The following HHLA1 variants were observed in gnomAD, a reference collection of about 807,000 sequenced individuals.
HHLA1 encodes HHLA1 neighbor of OC90.
A neutral mutation model predicts 69.9 loss-of-function variants in HHLA1; 72 were observed. The observed-to-expected ratio is 1.03, with a 90% CI of 0.85 to 1.25. The LOEUF (loss-of-function observed/expected upper bound fraction) is 1.25. HHLA1 is among the 50% of genes most tolerant of loss of function. The probability of loss-of-function intolerance (pLI) is 0.00; values close to 1 mark genes in which losing one functional copy is unlikely to be tolerated. For synonymous variants in HHLA1, 252 were observed against 233.2 expected (o/e 1.08, Z -0.73); for missense variants, 685 against 642.2 (o/e 1.07, Z -0.72).
intron 3 of HHLA1, chr8:132,101,301 T>C (rs770734080): frequency 1.9e-6 from 3 of 1,549,046 alleles, no homozygotes; most frequent in African/African-American, 2.7e-5. Flanking sequence ...ATGAATAAAA[T>C]AGTAACCTGA....
intron 10 of HHLA1, among the ~76,000 whole-genome samples, chr8:132,084,851 G>A (rs1823832619): frequency 6.6e-6 from 1 of 151,820 alleles, no homozygotes; most frequent in African/African-American, 2.4e-5. Context: ...GAGATAAGAG[G>A]TTGGGGTGTG....
At chr8:132,069,939 GA>G (rs1187017011) in intron 15 of HHLA1, 7 of 150,584 alleles carry the variant, frequency 4.6e-5, no homozygotes, top group Non-Finnish European at 8.5e-5. Flanking sequence ...GTTTTCTTTA[GA>G]ATAAACCTGT....
chr8:132,095,675 CCAT>C, intron 6 of HHLA1, 25 bp downstream of exon 6: 1 of 1,541,168 alleles, frequency 6.5e-7, no homozygotes. Context: ...ACCACCACCA[CCAT>C]CAAGAAGAGC....
At position 132,070,391 on chromosome 8, in the gene HHLA1, G is replaced by T. The variant is rs745624398; in HGVS notation, c.1469+949C>A. Reference sequence around the variant, plus strand: ...GGATTTATGAAAGAACTGGAATTTAGATAGACATATCTTCTAATTATTCTC... The same window carrying T: ...GGATTTATGAAAGAACTGGAATTTATATAGACATATCTTCTAATTATTCTC... On this transcript the variant is annotated intron_variant, in intron 15 of 16. Transcript: ENST00000414222. 7 of 701,944 alleles carry T rather than the reference G, an allele frequency of 1.0e-5. 1 individual carries two copies. The South Asian group carries it at 1.0e-4, about 10-fold the overall frequency. 43.5% of individuals were successfully genotyped at this position (701,944 alleles called of 1,614,324 possible). A position where few individuals can be genotyped will look rare whatever the true frequency, so the allele number is the denominator to read the frequency against.
chr8:132,089,741 A>T lies in HHLA1; in HGVS notation c.449-142T>A, dbSNP rs73353171. On this transcript the variant is annotated intron_variant, in intron 7 of 16. Transcript: ENST00000414222. The stretch of plus-strand genomic sequence containing the variant: ...AGGAATATCAACAATGATACAGAGA[A>T]ATACTACTAATTCTAAAAAATGAAA... 1.8e-3 allele frequency: 1,108 copies of T among 618,030 alleles called. 6 individuals are homozygous for T. In the African/African-American group the frequency reaches 0.019, roughly 10 times the overall value. The allele number at this position is 618,030 out of a possible 1,614,324, so 38.3% of individuals were successfully genotyped here. A position where few individuals can be genotyped will look rare whatever the true frequency, so the allele number is the denominator to read the frequency against.
rs1823670344 is a variant in HHLA1 at position 132,077,782 on chromosome 8, G to C, written c.1115C>G (p.Pro372Arg). 1 of 1,551,694 alleles carries C rather than the reference G, an allele frequency of 6.4e-7. No homozygotes were observed. Among genetic ancestry groups the C allele is most frequent in the Non-Finnish European group, 8.7e-7 (1 of 1,146,984 alleles). ...EAMNTTSLLA[P>R]AAEIMATPGS... The stretch of plus-strand genomic sequence containing the variant: ...AGGTGTGGCCATTATCTCAGCAGCA[G>C]GCGCCAAAAGGCTTGTAGTGTTCAT... The change falls in exon 12 of 17, where the codon CCT (proline) becomes CGT (arginine). Residue 372 changes from proline to arginine, a missense_variant. Pro to Arg is a moderately radical substitution (Grantham distance 103). Transcript: ENST00000414222.
rs1823535564 is a variant in HHLA1, at chr8:132,071,232, G to A, written c.1469+108C>T. On this transcript the variant is annotated intron_variant, in intron 15 of 16. Transcript: ENST00000414222. ...TACCTTGAGGTAACCCCTACTGCCT[G>A]TCTGTGGATTGCTTATTGCCTGACT... 6 of 933,364 alleles carry A rather than the reference G, an allele frequency of 6.4e-6. No individual in the cohort carries two copies. In the South Asian group the frequency reaches 1.0e-4, roughly 16 times the overall value. The allele number at this position is 933,364 out of a possible 1,614,324, so 57.8% of individuals were successfully genotyped here. A position where few individuals can be genotyped will look rare whatever the true frequency, so the allele number is the denominator to read the frequency against.
Position 132,068,334 on chromosome 8 carries a change from C to T in HHLA1, c.1470-2366G>A, listed in dbSNP as rs1431343835. Among the ~76,000 whole-genome samples the T allele has an allele frequency of 6.6e-5, 10 of 152,322 alleles. No individual in the cohort carries two copies. The East Asian group carries it at 1.9e-3, about 29-fold the overall frequency. Reference sequence around the variant, plus strand: ...CTTGCCTCTATGATCAGGAGAGAAACTATTTAAACACGACATGTCCCATCC... The same window carrying T: ...CTTGCCTCTATGATCAGGAGAGAAATTATTTAAACACGACATGTCCCATCC... On this transcript the variant is annotated intron_variant, in intron 15 of 16. Coordinates refer to ENST00000414222, the MANE Select transcript of HHLA1 (RefSeq NM_001145095.3).
intron 10 of HHLA1, among the ~76,000 whole-genome samples, chr8:132,081,498 C>G (rs1041819691): frequency 6.6e-6 from 1 of 152,058 alleles, no homozygotes; most frequent in African/African-American, 2.4e-5. Context: ...GGATATAAAG[C>G]TTTCACTGAA....
Position 132,075,871 on chromosome 8 carries a change from T to C in HHLA1, c.1315+184A>G, listed in dbSNP as rs903055116. Among the ~76,000 whole-genome samples the C allele has an allele frequency of 2.6e-5, 4 of 152,206 alleles. No individual in the cohort carries two copies. In the East Asian group the frequency reaches 7.7e-4, roughly 29 times the overall value. ...AATTGCAATTATTCTTGCTTTACAG[T>C]TGAGGGAACTGAATCTTGGAAGTTG... On this transcript the variant is annotated intron_variant, in intron 14 of 16. Transcript: ENST00000414222.
chr8:132,101,854 G>A (rs1824116152), intron 3 of HHLA1, among the ~76,000 whole-genome samples: 1 of 152,206 alleles, frequency 6.6e-6, no homozygotes, highest in Non-Finnish European at 1.5e-5. Context: ...TTACAGGCGT[G>A]AGCCACTGCA....
At chr8:132,101,062 C>A in intron 3 of HHLA1, 1 of 1,152,574 alleles carries the variant, frequency 8.7e-7, no homozygotes, top group Non-Finnish European at 1.2e-6. Context: ...ACAAAAAAAG[C>A]TAGTATCACA....
intron 7 of HHLA1, among the ~76,000 whole-genome samples, chr8:132,093,764 T>G (rs1387394190): frequency 2.0e-5 from 3 of 152,170 alleles, no homozygotes; most frequent in Non-Finnish European, 4.4e-5. Context: ...ACAATCAGGA[T>G]AGGGACTCAC....
intron 14 of HHLA1, among the ~76,000 whole-genome samples, chr8:132,074,549 A>T (rs920466793): frequency 3.9e-5 from 6 of 152,206 alleles, no homozygotes; most frequent in African/African-American, 1.4e-4. Flanking sequence ...TAGGAGCCCA[A>T]TAAATATTTA....
chr8:132,081,509 T>C (rs1670933256), intron 10 of HHLA1, among the ~76,000 whole-genome samples: 1 of 152,186 alleles, frequency 6.6e-6, no homozygotes, highest in Non-Finnish European at 1.5e-5. Context: ...TTTCACTGAA[T>C]ACTAAGAGCC....
intron 12 of HHLA1, 36 bp from the exon 13 acceptor site, chr8:132,076,579 CT>C: frequency 7.1e-7 from 1 of 1,398,636 alleles, no homozygotes; most frequent in Non-Finnish European, 9.5e-7. Context: ...GCCTGCATCT[CT>C]TCTAGGGGGC....
Position 132,095,603 on chromosome 8 carries a change from C to T in HHLA1, c.365-1G>A. 6.5e-7 allele frequency: 1 copy of T among 1,544,574 alleles called. No homozygotes were observed. The highest frequency in any genetic ancestry group is 8.8e-7 in the Non-Finnish European group (1 of 1,140,470). ...GGGTCTACTGTCTTCAGGTTAGAAA[C>T]TGTGAAGAGAAAGGATTCAACAGAG... On this transcript the variant is annotated splice_acceptor_variant, in intron 6 of 16. Transcript: ENST00000414222. LOFTEE classifies it high-confidence loss of function.
chr8:132,100,255 A>G (rs903890970), intron 3 of HHLA1, 121 bp from the exon 4 acceptor site: 2 of 716,408 alleles, frequency 2.8e-6, no homozygotes, highest in Non-Finnish European at 4.9e-6. Flanking sequence ...ACTGGCGGAC[A>G]CTGAGGAAAG....
At chr8:132,076,259 A>G (rs545438629) in intron 13 of HHLA1, 130 bp from the exon 14 acceptor site, 2 of 786,348 alleles carry the variant, frequency 2.5e-6, no homozygotes, top group East Asian at 5.4e-5. Flanking sequence ...TAGCCAAAAA[A>G]GGGGAAGTGA....
Sources: gnomAD v4.1 joint callset for allele counts (sites outside exome capture counted in the v4.1 genomes callset) on GRCh38, gnomAD v4.1.1 for gene constraint, MANE v1.5 for transcripts, NCBI Gene and HGNC (gene_info 2026-07-23, HGNC 2026-07-21) for gene names.